The following IGSF5 variants were observed in gnomAD, a reference collection of about 807,000 sequenced individuals.
IGSF5 encodes immunoglobulin superfamily member 5, also known as immunoglobulin superfamily 5 like.
Under a neutral mutation model 39.4 loss-of-function variants are expected in IGSF5, and 41 were observed. That is an observed-to-expected ratio of 1.04 (90% CI 0.81 to 1.35). IGSF5 has a LOEUF of 1.35. IGSF5 is among the 40% of genes most tolerant of loss of function. The pLI, the probability that IGSF5 is intolerant of heterozygous loss-of-function variation, is 0.00. For synonymous variants in IGSF5, 183 were observed against 175.3 expected, an observed-to-expected ratio of 1.04 and a Z score of -0.34; for missense variants, 487 against 494.6, an observed-to-expected ratio of 0.98 and a Z score of 0.15.
chr21:39,722,220 A>T, the IGSF5 span, among the ~76,000 whole-genome samples: 2 of 152,212 alleles, frequency 1.3e-5, no homozygotes, highest in African/African-American at 4.8e-5. Context: ...AAAAAGAGAC[A>T]AAGGGAAGAG....
At chr21:39,795,658 A>G (rs2086992042) in intron 8 of IGSF5, among the ~76,000 whole-genome samples, 1 of 151,878 alleles carries the variant, frequency 6.6e-6, no homozygotes, top group African/African-American at 2.4e-5. Flanking sequence ...TTCTTTTTGA[A>G]TATACACAGG....
chr21:39,799,548 G>T (rs16998553), intron 8 of IGSF5, among the ~76,000 whole-genome samples: 2 of 151,826 alleles, frequency 1.3e-5, no homozygotes, highest in Non-Finnish European at 2.9e-5. Flanking sequence ...GACATGTATA[G>T]CATTGTTTCT....
the IGSF5 span, among the ~76,000 whole-genome samples, chr21:39,733,471 C>A: frequency 6.6e-6 from 1 of 152,182 alleles, no homozygotes; most frequent in East Asian, 1.9e-4. Flanking sequence ...AATAATAGTT[C>A]TTTAAATAAT....
In IGSF5 at chr21:39,753,635, T is replaced by G. The variant is rs565502263; in HGVS notation, c.100+7337T>G. ...CTAATATTGTAGGTCTAGTAGTAAT[T>G]GTTTTTAAAATCTGGGTGCTCCATT... On this transcript the variant is annotated intron_variant, in intron 2 of 8. Coordinates refer to ENST00000380588, the MANE Select transcript of IGSF5 (RefSeq NM_001080444.2). 7.9e-5 allele frequency among the ~76,000 whole-genome samples: 12 copies of G among 152,354 alleles called. No individual in the cohort carries two copies. In the East Asian group the frequency reaches 1.9e-3, roughly 24 times the overall value.
At chr21:39,721,673 C>CCTTTCCTT in the IGSF5 span, among the ~76,000 whole-genome samples, 1 of 140,832 alleles carries the variant, frequency 7.1e-6, no homozygotes, top group Admixed American at 7.2e-5. Flanking sequence ...GGCCATCTGT[C>CCTTTCCTT]CCTTCCTTCC....
chr21:39,730,883 C>T, the IGSF5 span, among the ~76,000 whole-genome samples: 2 of 152,208 alleles, frequency 1.3e-5, no homozygotes, highest in Admixed American at 1.3e-4. Context: ...GCAATAGTCA[C>T]TAATGGGAAC....
the IGSF5 span, among the ~76,000 whole-genome samples, chr21:39,714,880 A>C: frequency 6.6e-6 from 1 of 152,152 alleles, no homozygotes; most frequent in Non-Finnish European, 1.5e-5. Context: ...GTTTGGGGGA[A>C]GACTCAATTC....
intron 3 of IGSF5, among the ~76,000 whole-genome samples, chr21:39,766,734 T>C (rs1011167602): frequency 6.6e-6 from 1 of 152,206 alleles, no homozygotes; most frequent in Non-Finnish European, 1.5e-5. Context: ...ATTTAATCAC[T>C]TTGCATTCTT....
chr21:39,800,149 G>A (rs1018203702), intron 8 of IGSF5, among the ~76,000 whole-genome samples: 11 of 152,146 alleles, frequency 7.2e-5, no homozygotes, highest in Admixed American at 5.9e-4. Context: ...ATTTCAATAT[G>A]AAGCCAGGGG....
upstream of IGSF5, among the ~76,000 whole-genome samples, chr21:39,742,893 G>A (rs1383602915): frequency 1.3e-5 from 2 of 152,120 alleles, no homozygotes; most frequent in Non-Finnish European, 2.9e-5. Context: ...GCCTAAGACA[G>A]ACTTTTGAAG....
chr21:39,774,045 G>A (rs182926365), intron 4 of IGSF5, among the ~76,000 whole-genome samples: 20 of 152,330 alleles, frequency 1.3e-4, no homozygotes, highest in African/African-American at 4.6e-4. Flanking sequence ...ATGGTAGCTG[G>A]AGGCATGGCT....
rs1365583580 is a variant in IGSF5 at position 39,801,450 on chromosome 21, C to G, written c.*93C>G. ...TTTCCATCCTAAGACTGGCCTGCAG[C>G]TTTGCCAACATTACCTGAAGAGGAG... is the stretch of plus-strand genomic sequence containing the variant. On this transcript the variant is annotated 3_prime_UTR_variant, in exon 9 of 9. Coordinates refer to ENST00000380588, the MANE Select transcript of IGSF5 (RefSeq NM_001080444.2). 2.3e-6 allele frequency: 2 copies of G among 875,606 alleles called. No individual in the cohort carries two copies. The highest frequency in any genetic ancestry group is 4.2e-5 in the Admixed American group (2 of 48,168). 54.2% of individuals were successfully genotyped at this position (875,606 alleles called of 1,614,324 possible).
At chr21:39,737,808 G>C in the IGSF5 span, among the ~76,000 whole-genome samples, 1 of 152,194 alleles carries the variant, frequency 6.6e-6, no homozygotes, top group African/African-American at 2.4e-5. Context: ...GGGCCTGTCT[G>C]TTCACATTCT....
the IGSF5 span, among the ~76,000 whole-genome samples, chr21:39,717,552 T>C: frequency 3.9e-5 from 6 of 152,350 alleles, no homozygotes; most frequent in South Asian, 1.2e-3. Context: ...TTCAATCTTC[T>C]GCATATGGCT....
At chr21:39,731,127 C>T in the IGSF5 span, among the ~76,000 whole-genome samples, 1 of 152,232 alleles carries the variant, frequency 6.6e-6, no homozygotes, top group East Asian at 1.9e-4. Flanking sequence ...TCCTTTCCCA[C>T]TCCCCCATAG....
At chr21:39,758,135 GC>G (rs1333508802) in intron 2 of IGSF5, among the ~76,000 whole-genome samples, 11 of 152,124 alleles carry the variant, frequency 7.2e-5, no homozygotes, top group African/African-American at 2.7e-4. Flanking sequence ...CGTAGGGATC[GC>G]CTGAGCTTGG....
the IGSF5 span, among the ~76,000 whole-genome samples, chr21:39,728,181 C>T: frequency 2.6e-5 from 4 of 152,148 alleles, no homozygotes; most frequent in Non-Finnish European, 5.9e-5. Flanking sequence ...GATATGTTCA[C>T]GTCCCAACCC....
intron 5 of IGSF5, among the ~76,000 whole-genome samples, chr21:39,783,417 G>A (rs2146289135): frequency 6.6e-6 from 1 of 152,252 alleles, no homozygotes; most frequent in East Asian, 1.9e-4. Context: ...TAAGTAGGGT[G>A]AGATGATATC....
intron 2 of IGSF5, among the ~76,000 whole-genome samples, chr21:39,763,347 C>A (rs1341862711): frequency 6.6e-6 from 1 of 152,186 alleles, no homozygotes; most frequent in Non-Finnish European, 1.5e-5. Context: ...ACAGGTAACA[C>A]AGTCAGGGAA....
Sources: allele counts gnomAD v4.1 joint callset (sites outside exome capture counted in the v4.1 genomes callset), GRCh38; gene constraint gnomAD v4.1.1; transcripts MANE v1.5; gene names NCBI Gene and HGNC (gene_info 2026-07-23, HGNC 2026-07-21).